The following EXOC6B variants were observed in gnomAD, a reference collection of about 807,000 sequenced individuals.
The protein encoded by EXOC6B is SEC15 homolog B.
In EXOC6B, 54 loss-of-function variants were observed where a neutral mutation model predicts 113.5. The ratio of observed to expected loss-of-function variants is 0.48; its 90% CI spans 0.38 to 0.60. The LOEUF is 0.60. EXOC6B is among the 20% of genes least tolerant of loss of function. The pLI, the probability that EXOC6B is intolerant of heterozygous loss-of-function variation, is 0.00. For missense variants in EXOC6B, 797 were observed against 977.5 expected (o/e 0.82, Z 2.46); for synonymous variants, 357 against 339.0 (o/e 1.05, Z -0.58).
intron 6 of EXOC6B, among the ~76,000 whole-genome samples, chr2:72,707,584 T>C (rs1238885162): frequency 6.6e-6 from 1 of 151,988 alleles, no homozygotes; most frequent in Non-Finnish European, 1.5e-5. Context: ...CAGCTAATTT[T>C]TGTATTTTTA....
intron 19 of EXOC6B, among the ~76,000 whole-genome samples, chr2:72,337,066 T>C (rs1688733736): frequency 6.6e-6 from 1 of 152,040 alleles, no homozygotes; most frequent in African/African-American, 2.4e-5. Flanking sequence ...AAGGCCATGT[T>C]AATAAAAAGC....
chr2:72,271,386 TGAG>T (rs1370498363), intron 20 of EXOC6B, among the ~76,000 whole-genome samples: 1 of 152,080 alleles, frequency 6.6e-6, no homozygotes, highest in Non-Finnish European at 1.5e-5. Context: ...CAGTATCTCT[TGAG>T]GAGGAGGCCT....
chr2:72,210,396 G>A (rs377096361), intron 20 of EXOC6B, among the ~76,000 whole-genome samples: 6 of 152,090 alleles, frequency 3.9e-5, no homozygotes, highest in Non-Finnish European at 7.3e-5. Flanking sequence ...TGTGAAGTAC[G>A]GTAGGGATCA....
At chr2:72,536,470 T>C (rs1327779811) in intron 8 of EXOC6B, among the ~76,000 whole-genome samples, 1 of 152,210 alleles carries the variant, frequency 6.6e-6, no homozygotes. Flanking sequence ...CATATGTAAA[T>C]ACCAATTTTT....
chr2:72,467,528 G>A (rs1412709243), intron 17 of EXOC6B, among the ~76,000 whole-genome samples: 2 of 152,070 alleles, frequency 1.3e-5, no homozygotes. Flanking sequence ...AACCTAACAG[G>A]TGGAAAGTCA....
At chr2:72,601,829 A>G (rs563721244) in intron 6 of EXOC6B, among the ~76,000 whole-genome samples, 124 of 152,358 alleles carry the variant, frequency 8.1e-4, no homozygotes, top group Non-Finnish European at 1.4e-3. Context: ...ACAATGGAAT[A>G]TTATTTGGAA....
intron 16 of EXOC6B, among the ~76,000 whole-genome samples, chr2:72,482,333 G>A (rs1442091951): frequency 6.6e-6 from 1 of 152,128 alleles, no homozygotes; most frequent in African/African-American, 2.4e-5. Context: ...ATACAAACAG[G>A]AAATAGAATG....
At chr2:72,791,793 A>G (rs1390805256) in intron 1 of EXOC6B, among the ~76,000 whole-genome samples, 1 of 152,340 alleles carries the variant, frequency 6.6e-6, no homozygotes, top group East Asian at 1.9e-4. Context: ...CTGACTGCAA[A>G]CTATCAAATC....
intron 20 of EXOC6B, among the ~76,000 whole-genome samples, chr2:72,256,408 C>T (rs574789571): frequency 2.6e-5 from 4 of 152,262 alleles, no homozygotes; most frequent in South Asian, 2.1e-4. Context: ...TAAGTGAGTT[C>T]AGTTCATAGA....
chr2:72,297,631 T>C (rs1204207091), intron 20 of EXOC6B, among the ~76,000 whole-genome samples: 1 of 152,238 alleles, frequency 6.6e-6, no homozygotes, highest in Non-Finnish European at 1.5e-5. Flanking sequence ...CTGCTTTCTC[T>C]TGTGGGCATT....
At chr2:72,391,584 T>C (rs1196010321) in intron 18 of EXOC6B, among the ~76,000 whole-genome samples, 1 of 152,226 alleles carries the variant, frequency 6.6e-6, no homozygotes, top group Non-Finnish European at 1.5e-5. Context: ...TTTCTTCAGA[T>C]ACAGAAAATT....
At chr2:72,619,340 A>G (rs1405992828) in intron 6 of EXOC6B, among the ~76,000 whole-genome samples, 1 of 152,186 alleles carries the variant, frequency 6.6e-6, no homozygotes, top group Non-Finnish European at 1.5e-5. Context: ...TGGCAAAAGC[A>G]TTATACCTAA....
At chr2:72,400,275 A>T (rs1282416956) in intron 18 of EXOC6B, among the ~76,000 whole-genome samples, 1 of 152,182 alleles carries the variant, frequency 6.6e-6, no homozygotes, top group East Asian at 1.9e-4. Flanking sequence ...ATATACAAAC[A>T]TTAACTTAAG....
chr2:72,205,488 A>T (rs915813976), intron 20 of EXOC6B, among the ~76,000 whole-genome samples: 1 of 152,140 alleles, frequency 6.6e-6, no homozygotes, highest in Admixed American at 6.5e-5. Context: ...TAACCAGAAA[A>T]GGCCAGGGAA....
chr2:72,731,334 CA>C, intron 3 of EXOC6B, 89 bp from the exon 4 acceptor site: 1 of 958,422 alleles, frequency 1.0e-6, no homozygotes, highest in Non-Finnish European at 1.6e-6. Context: ...TTCAATTCAT[CA>C]GAAAATCCCA....
intron 17 of EXOC6B, among the ~76,000 whole-genome samples, chr2:72,477,565 C>A (rs867417077): frequency 1.3e-5 from 2 of 152,196 alleles, no homozygotes; most frequent in South Asian, 2.1e-4. Context: ...CACATAAAAA[C>A]CAGTATCACA....
chr2:72,365,099 T>A (rs10188321), intron 19 of EXOC6B, among the ~76,000 whole-genome samples: 3,946 of 152,266 alleles, frequency 0.026, 184 homozygotes, highest in African/African-American at 0.089. Flanking sequence ...GAAACAGTTC[T>A]GTTGCTGTTA....
intron 18 of EXOC6B, among the ~76,000 whole-genome samples, chr2:72,422,681 T>A (rs1694965615): frequency 6.6e-6 from 1 of 152,030 alleles, no homozygotes; most frequent in African/African-American, 2.4e-5. Flanking sequence ...AACCTTTATG[T>A]CTAGCTCAGG....
At chr2:72,459,487 G>A (rs1031481659) in intron 18 of EXOC6B, among the ~76,000 whole-genome samples, 3 of 152,162 alleles carry the variant, frequency 2.0e-5, no homozygotes, top group African/African-American at 7.2e-5. Context: ...TCCTTAAGCT[G>A]ATAAGCAACT....
Sources: allele counts gnomAD v4.1 joint callset (sites outside exome capture counted in the v4.1 genomes callset), GRCh38; gene constraint gnomAD v4.1.1; transcripts MANE v1.5; gene names NCBI Gene and HGNC (gene_info 2026-07-23, HGNC 2026-07-21).